The following ATP11B variants were observed in gnomAD, a reference collection of about 807,000 sequenced individuals.
ATP11B encodes ATPase phospholipid transporting 11B (putative), also known as phospholipid-transporting ATPase IF.
Under a neutral mutation model 157.8 loss-of-function variants are expected in ATP11B, and 81 were observed. The ratio of observed to expected loss-of-function variants is 0.51; its 90% confidence interval spans 0.43 to 0.62. The LOEUF (loss-of-function observed/expected upper bound fraction) is 0.62. ATP11B is among the 20% of genes least tolerant of loss of function. ATP11B has a pLI of 0.00. For synonymous variants in ATP11B, 451 were observed against 469.4 expected, an observed-to-expected ratio of 0.96 and a Z score of 0.51; for missense variants, 1,165 against 1,402.2, an observed-to-expected ratio of 0.83 and a Z score of 2.70.
At chr3:182,850,429 C>T (rs4859250) in intron 10 of ATP11B, among the ~76,000 whole-genome samples, 18,326 of 151,810 alleles carry the variant, frequency 0.12, 1,245 homozygotes, top group African/African-American at 0.18. Context: ...GCTGAGATCA[C>T]GCCACTGCAC....
At chr3:182,853,028 A>G (rs1267292028) in intron 10 of ATP11B, among the ~76,000 whole-genome samples, 2 of 152,326 alleles carry the variant, frequency 1.3e-5, no homozygotes, top group African/African-American at 4.8e-5. Context: ...ACATTATTCT[A>G]GAAGCCTCAT....
In ATP11B at chr3:182,920,582, G is replaced by C. The variant is rs1174088660; in HGVS notation, c.*2478G>C. ...AAAACCAGAGCAAAATGCTAAATAC[G>C]TTATTGCTAATCAGTGGTCTCAAAT... On this transcript the variant is annotated 3_prime_UTR_variant, in exon 30 of 30. Transcript: ENST00000323116. 6.6e-6 allele frequency: 1 copy of C among 152,138 alleles called. No homozygotes were observed. The highest frequency in any genetic ancestry group is 6.5e-5 in the Admixed American group (1 of 15,274). 9.4% of individuals were successfully genotyped at this position (152,138 alleles called of 1,614,324 possible).
intron 12 of ATP11B, among the ~76,000 whole-genome samples, chr3:182,859,731 T>C (rs1241144404): frequency 6.6e-6 from 1 of 152,188 alleles, no homozygotes; most frequent in African/African-American, 2.4e-5. Context: ...TGTTTTAATA[T>C]TGTTCACTAA....
chr3:182,844,639 T>C (rs528025021), intron 8 of ATP11B: 4 of 622,988 alleles, frequency 6.4e-6, no homozygotes, highest in South Asian at 1.4e-4. Context: ...GAAAAAGCAC[T>C]AACATACCTT....
intron 1 of ATP11B, among the ~76,000 whole-genome samples, chr3:182,811,786 C>T (rs1339666070): frequency 2.6e-5 from 4 of 152,120 alleles, no homozygotes; most frequent in African/African-American, 7.2e-5. Context: ...ATAACAGGAA[C>T]AGCATATACT....
At chr3:182,867,758 A>T in intron 15 of ATP11B, among the ~76,000 whole-genome samples, 1 of 151,744 alleles carries the variant, frequency 6.6e-6, no homozygotes, top group Middle Eastern at 3.4e-3. Context: ...TAATTTTTGT[A>T]TTTTTAGTGG....
intron 2 of ATP11B, 84 bp from the exon 3 acceptor site, chr3:182,828,036 C>T (rs1717843955): frequency 3.6e-6 from 2 of 550,056 alleles, no homozygotes; most frequent in Non-Finnish European, 5.8e-6. Context: ...GTTAGTAAAA[C>T]CGATTTTACT....
chr3:182,885,024 C>T, intron 22 of ATP11B, 126 bp downstream of exon 22: 1 of 626,962 alleles, frequency 1.6e-6, no homozygotes, highest in Admixed American at 4.0e-5. Flanking sequence ...AGTATTTTGT[C>T]ATAAATCTAT....
intron 25 of ATP11B, among the ~76,000 whole-genome samples, chr3:182,895,688 A>G (rs1486110162): frequency 6.6e-6 from 1 of 152,160 alleles, no homozygotes; most frequent in African/African-American, 2.4e-5. Flanking sequence ...CATAAAACCT[A>G]CAGAAGTCAG....
rs1560074562 is a variant in ATP11B at position 182,836,084 on chromosome 3, C to T, written c.365C>T (p.Ala122Val). 3 of 1,613,348 alleles carry T rather than the reference C, an allele frequency of 1.9e-6. No individual in the cohort carries two copies. The highest frequency in any genetic ancestry group is 2.5e-6 in the Non-Finnish European group (3 of 1,179,704). ...AACTCAGATAATGAAGTAAATGGAG[C>T]TCCTGTTTATGTTGTTCGAAGTGGT... ...RHNSDNEVNGAPVYVVRSGGL... is the reference protein window; with the variant it reads ...RHNSDNEVNGVPVYVVRSGGL... The change falls in exon 5 of 30, where the codon GCT (alanine) becomes GTT (valine). Residue 122 changes from alanine (A) to valine (V), a missense_variant. Ala to Val is a moderately conservative substitution (Grantham distance 64). Coordinates refer to ENST00000323116, the MANE Select transcript of ATP11B (RefSeq NM_014616.3).
chr3:182,910,406 T>C (rs1288870585), intron 28 of ATP11B, among the ~76,000 whole-genome samples: 2 of 151,912 alleles, frequency 1.3e-5, no homozygotes, highest in African/African-American at 4.8e-5. Flanking sequence ...TAAGACCCTG[T>C]CTCTACTAAA....
intron 12 of ATP11B, among the ~76,000 whole-genome samples, chr3:182,864,423 C>G (rs772755860): frequency 6.6e-5 from 10 of 152,008 alleles, no homozygotes; most frequent in Non-Finnish European, 1.3e-4. Context: ...TGAGGAAGTT[C>G]CTTTTTATTC....
chr3:182,796,189 A>G (rs1195302045), intron 1 of ATP11B, among the ~76,000 whole-genome samples: 1 of 152,234 alleles, frequency 6.6e-6, no homozygotes, highest in African/African-American at 2.4e-5. Flanking sequence ...CTGAAAATAA[A>G]AAGATTGGAA....
In ATP11B at chr3:182,880,931, G is replaced by A. The variant is rs951676754; in HGVS notation, c.2459G>A (p.Gly820Asp). 6.2e-7 allele frequency: 1 copy of A among 1,604,998 alleles called. No individual in the cohort carries two copies. The highest frequency in any genetic ancestry group is 1.7e-5 in the Admixed American group (1 of 58,502). The change falls in exon 21 of 30, where the codon GGT becomes GAT. Residue 820 changes from glycine to aspartate, a missense_variant. Gly to Asp is a moderately conservative substitution (Grantham distance 94). This residue lies in a region of ATP11B where 737 missense variants were observed against 930.5 expected (regional missense o/e 0.79). Transcript: ENST00000323116. ...GAGAAACCTATAACATTGGCTGTTG[G>A]TGATGGTGCTAATGACGTAAGCATG... ...SPEKPITLAV[G>D]DGANDVSMIQ...
intron 1 of ATP11B, among the ~76,000 whole-genome samples, chr3:182,813,794 T>G (rs528856614): frequency 6.6e-6 from 1 of 152,232 alleles, no homozygotes; most frequent in East Asian, 1.9e-4. Flanking sequence ...GTGGCATTAT[T>G]GTGGCTCATT....
At position 182,918,302 on chromosome 3, in the gene ATP11B, A is replaced by T. The variant is rs1363125505; in HGVS notation, c.*198A>T. 3 of 635,310 alleles carry T rather than the reference A, an allele frequency of 4.7e-6. No individual in the cohort carries two copies. In the East Asian group the frequency reaches 9.6e-5, roughly 20 times the overall value. 39.4% of individuals were successfully genotyped at this position (635,310 alleles called of 1,614,324 possible). A position where few individuals can be genotyped will look rare whatever the true frequency, so the allele number is the denominator to read the frequency against. On this transcript the variant is annotated 3_prime_UTR_variant, in exon 30 of 30. Coordinates refer to ENST00000323116, the MANE Select transcript of ATP11B (RefSeq NM_014616.3). Reference sequence around the variant, plus strand: ...CCCAACACCCTTAATTTGAATCTGAACATGTTAAAATTTGAGAATAAAGAG... The same window carrying T: ...CCCAACACCCTTAATTTGAATCTGATCATGTTAAAATTTGAGAATAAAGAG...
chr3:182,887,113 G>A (rs557968140), intron 23 of ATP11B, among the ~76,000 whole-genome samples: 2 of 152,280 alleles, frequency 1.3e-5, no homozygotes, highest in Admixed American at 6.5e-5. Context: ...GCAAGATATC[G>A]TTAAGGACTT....
chr3:182,802,620 T>G (rs1455559402), intron 1 of ATP11B, among the ~76,000 whole-genome samples: 2 of 152,166 alleles, frequency 1.3e-5, no homozygotes, highest in Non-Finnish European at 2.9e-5. Flanking sequence ...CTTTCAAGTC[T>G]TTATTCAAAT....
intron 28 of ATP11B, among the ~76,000 whole-genome samples, chr3:182,912,541 G>A (rs1398324229): frequency 2.0e-5 from 3 of 151,680 alleles, no homozygotes; most frequent in South Asian, 2.1e-4. Flanking sequence ...GTATTGTAAC[G>A]AAAGAACAAG....
Sources: gnomAD v4.1 joint callset for allele counts (sites outside exome capture counted in the v4.1 genomes callset) on GRCh38, gnomAD v4.1.1 for gene constraint, gnomAD v4.1.1 regional missense constraint, MANE v1.5 for transcripts, NCBI Gene and HGNC (gene_info 2026-07-23, HGNC 2026-07-21) for gene names.